Variants in HMCN1 observed in about 807,000 individuals in gnomAD.
HMCN1 encodes the protein hemicentin 1.
Under a neutral mutation model 625.9 loss-of-function variants are expected in HMCN1, and 321 were observed. The ratio of observed to expected loss-of-function variants is 0.51; its 90% CI spans 0.47 to 0.56. HMCN1 has a LOEUF of 0.56. Among genes scored for constraint, HMCN1 ranks in the 20% least tolerant of loss-of-function variants. The probability of loss-of-function intolerance (pLI) is 0.00; values close to 1 mark genes in which losing one functional copy is unlikely to be tolerated. For synonymous variants in HMCN1, 2,425 were observed against 2,417.6 expected (o/e 1.00, Z -0.09); for missense variants, 6,588 against 6,887.3 (o/e 0.96, Z 1.54).
At chr1:185,773,611 A>G (rs1384261227) in intron 1 of HMCN1, among the ~76,000 whole-genome samples, 1 of 152,136 alleles carries the variant, frequency 6.6e-6, no homozygotes, top group Admixed American at 6.6e-5. Flanking sequence ...CTGTGCCTGC[A>G]ACCTGTTCTA....
chr1:185,779,903 T>A (rs1180736598), intron 1 of HMCN1, among the ~76,000 whole-genome samples: 1 of 152,224 alleles, frequency 6.6e-6, no homozygotes, highest in Non-Finnish European at 1.5e-5. Flanking sequence ...GGTAGCTTGA[T>A]GGGGATGGCA....
Position 186,018,225 on chromosome 1 carries a change from C to A in HMCN1, c.5343C>A (p.Phe1781Leu), listed in dbSNP as rs1294234054. The A allele has an allele frequency of 4.3e-6, 7 of 1,612,668 alleles. No homozygotes were observed. The highest frequency in any genetic ancestry group is 5.9e-6 in the Non-Finnish European group (7 of 1,179,072). Residue 1781 changes from phenylalanine to leucine, a missense_variant, in exon 34 of 107, where the codon TTC becomes TTA. This residue lies in a region of HMCN1 where 4,628 missense variants were observed against 4,853.1 expected (regional missense o/e 0.95). Coordinates refer to ENST00000271588, the MANE Select transcript of HMCN1 (RefSeq NM_031935.3). Reference protein sequence around the residue: ...DGQLIDERDGFKILLNGRKLV... With the variant: ...DGQLIDERDGLKILLNGRKLV... ...AGTTAATTGATGAAAGGGATGGATT[C>A]AAGATTTTATTAAATGGACGCAAAC...
At position 186,007,117 on chromosome 1, in the gene HMCN1, A is replaced by AT. The variant is rs1444921449; in HGVS notation, c.4476-5dup. ...AAATAGACCCATGGAATAAAGTTTT[A>AT]TTTTTTCTAGGCCTTTATTTTTGGG... On this transcript the variant is annotated splice_polypyrimidine_tract_variant and intron_variant, in intron 29 of 106. Transcript: ENST00000271588. The AT allele has an allele frequency of 2.5e-6, 4 of 1,606,470 alleles. No homozygotes were observed. The highest frequency in any genetic ancestry group is 3.4e-6 in the Non-Finnish European group (4 of 1,173,418).
At chr1:185,813,635 GA>G (rs1659664987) in intron 1 of HMCN1, among the ~76,000 whole-genome samples, 1 of 152,076 alleles carries the variant, frequency 6.6e-6, no homozygotes, top group Non-Finnish European at 1.5e-5. Context: ...ACTTGAGGAA[GA>G]ATCAAAATCC....
At chr1:186,001,780 G>A (rs1458510067) in intron 28 of HMCN1, 39 bp downstream of exon 28, 3 of 1,552,858 alleles carry the variant, frequency 1.9e-6, no homozygotes, top group African/African-American at 1.4e-5. Flanking sequence ...CAATTCAGAA[G>A]CATTTCTTAC....
chr1:186,158,051 C>T (rs1463966564), intron 97 of HMCN1, among the ~76,000 whole-genome samples: 2 of 148,516 alleles, frequency 1.3e-5, no homozygotes, highest in Non-Finnish European at 1.5e-5. Flanking sequence ...GTTTACAGTC[C>T]CACCAACAGT....
intron 98 of HMCN1, 134 bp from the exon 99 acceptor site, chr1:186,166,050 G>A (rs1651857457): frequency 2.3e-6 from 2 of 869,052 alleles, no homozygotes; most frequent in Non-Finnish European, 3.6e-6. Flanking sequence ...TCATTTTGTG[G>A]CACTTAAAGC....
intron 1 of HMCN1, among the ~76,000 whole-genome samples, chr1:185,759,524 A>AT (rs967149490): frequency 1.3e-5 from 2 of 151,980 alleles, no homozygotes; most frequent in Non-Finnish European, 2.9e-5. Flanking sequence ...CGATGGCACC[A>AT]TTTTTTTTAA....
At chr1:186,012,686 G>T (rs1654082276) in intron 30 of HMCN1, among the ~76,000 whole-genome samples, 1 of 151,934 alleles carries the variant, frequency 6.6e-6, no homozygotes, top group African/African-American at 2.4e-5. Flanking sequence ...GGCTTTCCTT[G>T]GTTGGCTAAC....
At chr1:186,084,548 C>G (rs2102391061) in intron 57 of HMCN1, among the ~76,000 whole-genome samples, 1 of 152,052 alleles carries the variant, frequency 6.6e-6, no homozygotes, top group African/African-American at 2.4e-5. Context: ...TTGTTATCTC[C>G]CTCTACAACT....
intron 11 of HMCN1, among the ~76,000 whole-genome samples, chr1:185,953,196 A>G (rs1311484057): frequency 6.6e-6 from 1 of 151,210 alleles, no homozygotes; most frequent in African/African-American, 2.4e-5. Context: ...AGGGATAGAG[A>G]CAAGGAGAGA....
chr1:186,051,895 G>T (rs1159432700), intron 42 of HMCN1, among the ~76,000 whole-genome samples: 2 of 152,100 alleles, frequency 1.3e-5, no homozygotes, highest in Middle Eastern at 3.4e-3. Flanking sequence ...CAGAGAAGTT[G>T]TCAGAGGCCT....
At chr1:186,167,874 T>G (rs1651976598) in intron 100 of HMCN1, among the ~76,000 whole-genome samples, 1 of 152,282 alleles carries the variant, frequency 6.6e-6, no homozygotes, top group Admixed American at 6.5e-5. Context: ...ACAGTTTATC[T>G]ACCTAGTGAA....
intron 99 of HMCN1, 116 bp from the exon 100 acceptor site, chr1:186,166,692 T>G: frequency 1.4e-6 from 2 of 1,462,760 alleles, no homozygotes; most frequent in African/African-American, 1.4e-5. Flanking sequence ...TTAGTCCTTC[T>G]TGTTCTTTTC....
chr1:186,068,416 A>G lies in HMCN1; in HGVS notation c.7879+409A>G, dbSNP rs927050631. ...TGCATGGAAATAGATAATGCAAATAAAAAGATAAAGGATTATTTCTGGCTT... is the reference window on the plus strand; with the variant it reads ...TGCATGGAAATAGATAATGCAAATAGAAAGATAAAGGATTATTTCTGGCTT... On this transcript the variant is annotated intron_variant, in intron 50 of 106. Coordinates refer to ENST00000271588, the MANE Select transcript of HMCN1 (RefSeq NM_031935.3). Among the ~76,000 whole-genome samples the G allele has an allele frequency of 3.9e-5, 6 of 152,292 alleles. No individual in the cohort carries two copies. In the South Asian group the frequency reaches 1.2e-3, roughly 32 times the overall value.
intron 87 of HMCN1, among the ~76,000 whole-genome samples, chr1:186,137,148 C>A (rs1412705304): frequency 6.6e-6 from 1 of 152,164 alleles, no homozygotes. Context: ...TTTAAAATCC[C>A]AAACTAGATT....
intron 1 of HMCN1, among the ~76,000 whole-genome samples, chr1:185,802,409 G>T (rs766264691): frequency 1.3e-5 from 2 of 151,932 alleles, no homozygotes; most frequent in African/African-American, 2.4e-5. Flanking sequence ...ATCACCATGC[G>T]TAGTTTTTAA....
At chr1:186,176,215 C>T (rs983423029) in intron 103 of HMCN1, among the ~76,000 whole-genome samples, 2 of 152,106 alleles carry the variant, frequency 1.3e-5, no homozygotes, top group African/African-American at 2.4e-5. Context: ...ATTCTATGTC[C>T]TTGTTTCCTT....
At chr1:185,791,443 G>A (rs1571356584) in intron 1 of HMCN1, among the ~76,000 whole-genome samples, 1 of 152,094 alleles carries the variant, frequency 6.6e-6, no homozygotes, top group South Asian at 2.1e-4. Flanking sequence ...AATTTGGCTG[G>A]GCACGGCGGC....
Sources: gnomAD v4.1 joint callset for allele counts (sites outside exome capture counted in the v4.1 genomes callset) on GRCh38, gnomAD v4.1.1 for gene constraint, gnomAD v4.1.1 regional missense constraint, MANE v1.5 for transcripts, NCBI Gene and HGNC (gene_info 2026-07-23, HGNC 2026-07-21) for gene names.